Variants in ROPN1L observed in about 807,000 individuals in gnomAD.
The protein encoded by ROPN1L is ropporin-1-like protein.
ROPN1L carries 23 observed loss-of-function variants against 22.7 expected under a neutral mutation model. The ratio of observed to expected loss-of-function variants is 1.01; its 90% CI spans 0.73 to 1.43. ROPN1L has a LOEUF of 1.43. ROPN1L is among the 40% of genes most tolerant of loss of function. The pLI is 0.00. For synonymous variants in ROPN1L, 116 were observed against 117.8 expected, an observed-to-expected ratio of 0.98 and a Z score of 0.10; for missense variants, 271 against 291.5, an observed-to-expected ratio of 0.93 and a Z score of 0.51.
At chr5:10,465,491 G>A (rs561608072), downstream of ROPN1L, among the ~76,000 whole-genome samples, 221 of 147,668 alleles carry the variant, frequency 1.5e-3, no homozygotes, top group African/African-American at 5.3e-3. Context: ...CTCCAGCCTG[G>A]GCGACAGAGC....
At chr5:10,476,581 A>G (rs1439649358), downstream of ROPN1L, among the ~76,000 whole-genome samples, 2 of 152,244 alleles carry the variant, frequency 1.3e-5, no homozygotes, top group Non-Finnish European at 2.9e-5. Context: ...ACAACGATGA[A>G]AAGAAGAAAA....
At chr5:10,446,772 G>A (rs1330123771) in intron 1 of ROPN1L, among the ~76,000 whole-genome samples, 1 of 152,088 alleles carries the variant, frequency 6.6e-6, no homozygotes, top group Non-Finnish European at 1.5e-5. Context: ...TCTGCCTCCA[G>A]AGGCTGTATC....
rs973903039 is a variant in ROPN1L at position 10,453,508 on chromosome 5, T to C, written c.417+3395T>C. Among the ~76,000 whole-genome samples, 15 of 152,270 alleles carry C rather than the reference T, an allele frequency of 9.9e-5. No homozygotes were observed. In the South Asian group the frequency reaches 2.9e-3, roughly 30 times the overall value. On this transcript the variant is annotated intron_variant, in intron 3 of 4. Transcript: ENST00000274134. ...CGTTCATTTTTATGCTTTAAAAAAA[T>C]ACCTTCAAAAAGGAGGAAATGAAGT...
chr5:10,450,101 C>T lies in ROPN1L; in HGVS notation c.405C>T (p.Ser135=). The T allele has an allele frequency of 6.2e-6, 10 of 1,613,268 alleles. No homozygotes were observed. Among genetic ancestry groups the T allele is most frequent in the Non-Finnish European group, 4.2e-6 (5 of 1,179,674 alleles). Residue 135 remains serine, a synonymous_variant, in exon 3 of 5, where the codon AGC becomes AGT. Coordinates refer to ENST00000274134, the MANE Select transcript of ROPN1L (RefSeq NM_031916.5). ...KWINFLALGC[S]MLGGSLNTAL... ...TAAACTTTTTAGCGCTTGGATGCAGCATGCTTGGTGGGGTATGTACCTATA... is the reference window on the plus strand; with the variant it reads ...TAAACTTTTTAGCGCTTGGATGCAGTATGCTTGGTGGGGTATGTACCTATA...
intron 1 of ROPN1L, among the ~76,000 whole-genome samples, chr5:10,443,960 C>T (rs1380716672): frequency 1.3e-5 from 2 of 152,140 alleles, no homozygotes; most frequent in African/African-American, 4.8e-5. Flanking sequence ...CCACAAAATC[C>T]CTGTTACCAT....
the ROPN1L span, among the ~76,000 whole-genome samples, chr5:10,478,426 T>C: frequency 6.6e-6 from 1 of 152,196 alleles, no homozygotes; most frequent in African/African-American, 2.4e-5. Flanking sequence ...TTTGGACTTC[T>C]AGCTTCCCGG....
chr5:10,452,341 ATTTT>A (rs1195190147), intron 3 of ROPN1L, among the ~76,000 whole-genome samples: 6 of 106,810 alleles, frequency 5.6e-5, no homozygotes, highest in Admixed American at 2.0e-4. Flanking sequence ...GTGTGTGTGT[ATTTT>A]TTTTTTTTTG....
At chr5:10,477,960 C>T in the ROPN1L span, 1 of 152,144 alleles carries the variant, frequency 6.6e-6, no homozygotes, top group South Asian at 2.1e-4. Context: ...CAAAATCCTC[C>T]AGGATAAAAC....
downstream of ROPN1L, among the ~76,000 whole-genome samples, chr5:10,468,177 C>G (rs1428825802): frequency 6.6e-6 from 1 of 152,256 alleles, no homozygotes; most frequent in Non-Finnish European, 1.5e-5. Context: ...ACCATTGGGG[C>G]TCCAAGTGCC....
chr5:10,446,421 G>T (rs779539636), intron 1 of ROPN1L, among the ~76,000 whole-genome samples: 8 of 152,220 alleles, frequency 5.3e-5, no homozygotes, highest in Non-Finnish European at 7.3e-5. Context: ...CATTTTGGGA[G>T]GCTGAGGCGG....
chr5:10,450,034 C>G lies in ROPN1L; in HGVS notation c.338C>G (p.Ala113Gly), dbSNP rs2303986. ...NLCLPKEKFKALLQLDPCENK... is the reference protein window; with the variant it reads ...NLCLPKEKFKGLLQLDPCENK... ...TGCCTGCCGAAGGAAAAATTCAAAG[C>G]GCTCTTACAACTGGATCCTTGTGAA... Residue 113 changes from alanine (A) to glycine (G), a missense_variant, in exon 3 of 5, where the codon GCG becomes GGG. Ala to Gly is a moderately conservative substitution (Grantham distance 60). Transcript: ENST00000274134. 6.2e-7 allele frequency: 1 copy of G among 1,613,608 alleles called. No individual in the cohort carries two copies. Among genetic ancestry groups the G allele is most frequent in the Non-Finnish European group, 8.5e-7 (1 of 1,179,790 alleles).
At chr5:10,447,010 G>A (rs1407026252) in intron 1 of ROPN1L, among the ~76,000 whole-genome samples, 2 of 152,202 alleles carry the variant, frequency 1.3e-5, no homozygotes, top group Non-Finnish European at 2.9e-5. Flanking sequence ...AATTTGAGGG[G>A]TGTAAAGAGA....
At position 10,448,362 on chromosome 5, in the gene ROPN1L, C is replaced by T; in HGVS notation, c.234C>T (p.Leu78=). ...CAGACACAGGCCTGACTCAAGGACT[C>T]CTGAAAGTTTTGCACAAGCAGGTAT... ...QKTDTGLTQG[L]LKVLHKQCHH... Residue 78 remains leucine (L), a synonymous_variant, in exon 2 of 5, where the codon CTC becomes CTT. Transcript: ENST00000274134. 6.2e-7 allele frequency: 1 copy of T among 1,614,170 alleles called. No homozygotes were observed. Among genetic ancestry groups the T allele is most frequent in the Non-Finnish European group, 8.5e-7 (1 of 1,180,022 alleles).
chr5:10,447,524 T>G (rs1741108696), intron 1 of ROPN1L, among the ~76,000 whole-genome samples: 1 of 152,180 alleles, frequency 6.6e-6, no homozygotes, highest in South Asian at 2.1e-4. Context: ...GGGTTGAATA[T>G]GCAGAGACGC....
chr5:10,451,928 A>ATCTATCTATCTATCT (rs1741263680), intron 3 of ROPN1L, among the ~76,000 whole-genome samples: 1 of 150,520 alleles, frequency 6.6e-6, no homozygotes, highest in Non-Finnish European at 1.5e-5. Context: ...AACTCTGTGA[A>ATCTATCTATCTATCT]ATCTATCTAT....
intron 1 of ROPN1L, among the ~76,000 whole-genome samples, chr5:10,444,422 C>T (rs1396767667): frequency 6.6e-6 from 1 of 152,072 alleles, no homozygotes; most frequent in African/African-American, 2.4e-5. Context: ...TCCCAAGTAA[C>T]TGGGATTACA....
At chr5:10,444,580 C>T (rs957025242) in intron 1 of ROPN1L, among the ~76,000 whole-genome samples, 24 of 151,800 alleles carry the variant, frequency 1.6e-4, no homozygotes, top group Non-Finnish European at 2.2e-4. Flanking sequence ...TGTAAGCCAC[C>T]GCACCTGGCC....
intron 3 of ROPN1L, among the ~76,000 whole-genome samples, chr5:10,460,757 G>A (rs758446000): frequency 4.7e-4 from 71 of 152,244 alleles, no homozygotes; most frequent in Admixed American, 9.2e-4. Context: ...GCAGGCCGTT[G>A]GCTGCCAGCC....
intron 3 of ROPN1L, among the ~76,000 whole-genome samples, chr5:10,454,980 G>C (rs926963398): frequency 5.3e-5 from 8 of 152,186 alleles, no homozygotes; most frequent in Admixed American, 3.3e-4. Context: ...CCTTATTCAA[G>C]TTTACGCCTG....
Sources: allele counts gnomAD v4.1 joint callset (sites outside exome capture counted in the v4.1 genomes callset), GRCh38; gene constraint gnomAD v4.1.1; transcripts MANE v1.5; gene names NCBI Gene and HGNC (gene_info 2026-07-23, HGNC 2026-07-21).